The following CYREN variants were observed in gnomAD, a reference collection of about 807,000 sequenced individuals.
CYREN encodes cell cycle regulator of non-homologous end joining.
Under a neutral mutation model 9.7 loss-of-function variants are expected in CYREN, and 7 were observed. The observed-to-expected ratio is 0.72, with a 90% confidence interval of 0.41 to 1.36. CYREN has a LOEUF of 1.36. Among genes scored for constraint, CYREN ranks in the 40% most tolerant of loss-of-function variants. The probability of loss-of-function intolerance (pLI) is 0.01; values close to 1 mark genes in which losing one functional copy is unlikely to be tolerated. For synonymous variants in CYREN, 76 were observed against 77.9 expected (o/e 0.98, Z 0.13); for missense variants, 215 against 198.1 (o/e 1.09, Z -0.51).
downstream of CYREN, chr7:135,164,655 G>A (rs776967484): frequency 1.9e-6 from 3 of 1,613,264 alleles, no homozygotes; most frequent in East Asian, 4.5e-5. Context: ...TGAGCTGGAA[G>A]CCCTGGGGGT....
In CYREN at chr7:135,168,947, G is replaced by C; in HGVS notation, c.-25C>G. 6.4e-7 allele frequency: 1 copy of C among 1,551,636 alleles called. No individual in the cohort carries two copies. On this transcript the variant is annotated 5_prime_UTR_variant, in exon 2 of 4. Coordinates refer to ENST00000393114, the MANE Select transcript of CYREN (RefSeq NM_024033.4). Reference sequence around the variant, plus strand: ...TCTCTGTACCTTCTCACAAAGAAGAGTCAGGGCCCAAGCTTAATGACCTGT... The same window carrying C: ...TCTCTGTACCTTCTCACAAAGAAGACTCAGGGCCCAAGCTTAATGACCTGT...
At chr7:135,170,116 CAGA>C (rs1830543541) in intron 1 of CYREN, among the ~76,000 whole-genome samples, 1 of 152,252 alleles carries the variant, frequency 6.6e-6, no homozygotes, top group Admixed American at 6.5e-5. Flanking sequence ...AGTTAACTTG[CAGA>C]AGATCACAGA....
intron 2 of CYREN, chr7:135,134,968 C>T: frequency 1.3e-6 from 2 of 1,551,140 alleles, no homozygotes; most frequent in Non-Finnish European, 1.7e-6. Flanking sequence ...GTCTAAGCCC[C>T]ACAGGTCATT....
chr7:135,130,204 C>CAGTT (rs1319388910), intron 2 of CYREN, among the ~76,000 whole-genome samples: 2 of 152,206 alleles, frequency 1.3e-5, no homozygotes, highest in African/African-American at 4.8e-5. Flanking sequence ...TCTGCCAAGT[C>CAGTT]AGTTCTCTCT....
intron 2 of CYREN, chr7:135,148,307 G>A: frequency 2.9e-6 from 1 of 348,148 alleles, no homozygotes; most frequent in South Asian, 2.3e-5. Flanking sequence ...AGCTTACCCA[G>A]ACGTCTACTA....
chr7:135,164,553 A>G (rs1219816258), downstream of CYREN: 1 of 1,614,076 alleles, frequency 6.2e-7, no homozygotes, highest in Non-Finnish European at 8.5e-7. Flanking sequence ...GGAGGCTGGC[A>G]ACCTCACTGA....
At chr7:135,134,009 T>C (rs1829144716) in intron 2 of CYREN, among the ~76,000 whole-genome samples, 1 of 151,886 alleles carries the variant, frequency 6.6e-6, no homozygotes, top group South Asian at 2.1e-4. Context: ...TTATGCAACA[T>C]TCTTAAAATA....
At chr7:135,117,352 A>G (rs144458907) in intron 2 of CYREN, among the ~76,000 whole-genome samples, 11 of 132,128 alleles carry the variant, frequency 8.3e-5, no homozygotes, top group African/African-American at 2.6e-4. Context: ...GCTTAAGAAC[A>G]GAACAGACAA....
At chr7:135,136,190 C>T (rs1829339791) in intron 2 of CYREN, among the ~76,000 whole-genome samples, 1 of 152,028 alleles carries the variant, frequency 6.6e-6, no homozygotes, top group Non-Finnish European at 1.5e-5. Flanking sequence ...TGAGGCTAAG[C>T]ATAAGAAGGG....
At chr7:135,092,764 G>A (rs1366602314) in exon 3 of CYREN, 1 of 151,720 alleles carries the variant, frequency 6.6e-6, no homozygotes, top group Non-Finnish European at 1.5e-5. Flanking sequence ...TATCTATTAA[G>A]AATTAGAATG....
At chr7:135,164,793 G>A, downstream of CYREN, 1 of 1,614,154 alleles carries the variant, frequency 6.2e-7, no homozygotes, top group Non-Finnish European at 8.5e-7. Flanking sequence ...GCTGGCAGTG[G>A]GCTTCCTGGC....
At chr7:135,112,251 T>C (rs1825747117) in intron 2 of CYREN, among the ~76,000 whole-genome samples, 1 of 152,238 alleles carries the variant, frequency 6.6e-6, no homozygotes, top group South Asian at 2.1e-4. Flanking sequence ...CTTCAACCTT[T>C]TGTTTTCCTG....
chr7:135,119,197 C>T (rs1826759943), intron 2 of CYREN, among the ~76,000 whole-genome samples: 1 of 151,754 alleles, frequency 6.6e-6, no homozygotes, highest in Admixed American at 6.6e-5. Context: ...ATAGGATACA[C>T]CCAAAGAAAT....
chr7:135,103,729 G>T (rs1824216663), intron 2 of CYREN, among the ~76,000 whole-genome samples: 1 of 152,166 alleles, frequency 6.6e-6, no homozygotes, highest in Non-Finnish European at 1.5e-5. Flanking sequence ...GTATAAATAA[G>T]CAGAGTCAGG....
At chr7:135,166,997 A>G in intron 3 of CYREN, 126 bp from the exon 4 acceptor site, 3 of 1,496,480 alleles carry the variant, frequency 2.0e-6, no homozygotes, top group Non-Finnish European at 2.7e-6. Flanking sequence ...CAGGCAATGT[A>G]CCCATATCCT....
rs530042348 is a variant in CYREN, at chr7:135,109,883, C to T, written n.357-15301G>A. 1.2e-3 allele frequency among the ~76,000 whole-genome samples: 185 copies of T among 152,292 alleles called. 1 individual carries two copies. Among genetic ancestry groups the T allele is most frequent in the African/African-American group, 4.3e-3 (177 of 41,550 alleles). On this transcript the variant is annotated intron_variant and non_coding_transcript_variant, in intron 2 of 2. Coordinates refer to the CYREN transcript ENST00000459937. ...GCAAAGACGGTGGCCCATCCTTTCT[C>T]GTGGAAGCTCTATACCAGGGAGGCT...
downstream of CYREN, chr7:135,165,001 G>C (rs376210094): frequency 1.3e-6 from 2 of 1,570,794 alleles, no homozygotes; most frequent in African/African-American, 2.7e-5. Context: ...AGCTGCTAAA[G>C]GCTTACGTGA....
At chr7:135,093,795 C>G (rs958422515) in exon 3 of CYREN, 3 of 152,098 alleles carry the variant, frequency 2.0e-5, no homozygotes, top group Non-Finnish European at 2.9e-5. Flanking sequence ...CCAGAATAAC[C>G]AAAGCAATTT....
chr7:135,130,040 C>A (rs780436474), intron 2 of CYREN, among the ~76,000 whole-genome samples: 15 of 152,044 alleles, frequency 9.9e-5, no homozygotes, highest in Non-Finnish European at 1.5e-5. Flanking sequence ...ACTTACAGAC[C>A]CTTTGTCTCT....
Sources: allele counts gnomAD v4.1 joint callset (sites outside exome capture counted in the v4.1 genomes callset), GRCh38; gene constraint gnomAD v4.1.1; transcripts MANE v1.5; gene names NCBI Gene and HGNC (gene_info 2026-07-23, HGNC 2026-07-21).